The following TAOK3 variants were observed in gnomAD, a reference collection of about 807,000 sequenced individuals.
The protein encoded by TAOK3 is serine/threonine-protein kinase TAO3.
In TAOK3, 40 loss-of-function variants were observed where a neutral mutation model predicts 120.4. The observed-to-expected ratio is 0.33, with a 90% CI of 0.26 to 0.43. The LOEUF is 0.43. TAOK3 is among the 20% of genes least tolerant of loss of function. The probability of loss-of-function intolerance (pLI) is 1.00; values close to 1 mark genes in which losing one functional copy is unlikely to be tolerated. For synonymous variants in TAOK3, 355 were observed against 387.5 expected, an observed-to-expected ratio of 0.92 and a Z score of 0.99; for missense variants, 821 against 1,112.1, an observed-to-expected ratio of 0.74 and a Z score of 3.72.
At chr12:118,173,765 TAC>T (rs2036150727) in intron 16 of TAOK3, among the ~76,000 whole-genome samples, 1 of 152,204 alleles carries the variant, frequency 6.6e-6, no homozygotes, top group Non-Finnish European at 1.5e-5. Flanking sequence ...AGAAGAAGAC[TAC>T]TTGTTAAGAA....
intron 1 of TAOK3, among the ~76,000 whole-genome samples, chr12:118,288,860 G>A (rs1352590926): frequency 7.0e-6 from 1 of 143,798 alleles, no homozygotes; most frequent in Non-Finnish European, 1.5e-5. Context: ...AGGTTGCAGT[G>A]AGCCGAGATT....
At chr12:118,215,502 ACT>A (rs1379754251) in intron 9 of TAOK3, among the ~76,000 whole-genome samples, 2 of 151,748 alleles carry the variant, frequency 1.3e-5, no homozygotes, top group Non-Finnish European at 2.9e-5. Context: ...ACAGAGTGAG[ACT>A]CTGTCTCAAA....
At position 118,182,599 on chromosome 12, in the gene TAOK3, GTATATATATATA is replaced by G. The variant is rs1212615187; in HGVS notation, c.1330-1004_1330-993del. 1.2e-4 allele frequency among the ~76,000 whole-genome samples: 11 copies of G among 93,902 alleles called. No individual in the cohort carries two copies. The South Asian group carries it at 4.8e-3, about 41-fold the overall frequency. The allele number at this position is 93,902 out of a possible 152,430, so 61.6% of individuals were successfully genotyped here. Reference sequence around the variant, plus strand: ...TGTATATGTGTGTGTGTGTGTGTGTGTATATATATATATATATATATATATTTTTTTTTTTTT... The same window carrying G: ...TGTATATGTGTGTGTGTGTGTGTGTGTATATATATATATTTTTTTTTTTTT... On this transcript the variant is annotated intron_variant, in intron 14 of 20. Coordinates refer to ENST00000392533, the MANE Select transcript of TAOK3 (RefSeq NM_016281.4).
intron 1 of TAOK3, among the ~76,000 whole-genome samples, chr12:118,317,289 G>A (rs986801324): frequency 1.5e-5 from 2 of 136,268 alleles, no homozygotes; most frequent in Non-Finnish European, 3.2e-5. Flanking sequence ...AAAAAAAATC[G>A]CTGGGAGAAT....
intron 1 of TAOK3, among the ~76,000 whole-genome samples, chr12:118,340,269 C>G (rs1344814833): frequency 6.6e-6 from 1 of 152,156 alleles, no homozygotes; most frequent in Non-Finnish European, 1.5e-5. Flanking sequence ...CCCACCTTCC[C>G]TCCCAAGAGC....
intron 1 of TAOK3, among the ~76,000 whole-genome samples, chr12:118,294,859 G>A (rs2042617207): frequency 6.6e-6 from 1 of 152,072 alleles, no homozygotes; most frequent in Non-Finnish European, 1.5e-5. Context: ...AAGGCTTTTG[G>A]TCAGAGTGAC....
intron 3 of TAOK3, among the ~76,000 whole-genome samples, chr12:118,245,586 G>C (rs1295452302): frequency 6.6e-6 from 1 of 152,126 alleles, no homozygotes; most frequent in Non-Finnish European, 1.5e-5. Context: ...CCAAAGTGCT[G>C]GGATTACAGA....
In TAOK3 at chr12:118,237,968, T is replaced by A. The variant is rs1375897117; in HGVS notation, c.437+105A>T. The A allele has an allele frequency of 4.3e-6, 3 of 694,778 alleles. No homozygotes were observed. In the African/African-American group the frequency reaches 5.4e-5, roughly 12 times the overall value. The allele number at this position is 694,778 out of a possible 1,614,324, so 43.0% of individuals were successfully genotyped here. A position where few individuals can be genotyped will look rare whatever the true frequency, so the allele number is the denominator to read the frequency against. On this transcript the variant is annotated intron_variant, in intron 7 of 20. Coordinates refer to ENST00000392533, the MANE Select transcript of TAOK3 (RefSeq NM_016281.4). ...GAAGCAGCAATCTATTTGCTTCCCATGAATGCTTAGGCAACCTAAAAATTG... is the reference window on the plus strand; with the variant it reads ...GAAGCAGCAATCTATTTGCTTCCCAAGAATGCTTAGGCAACCTAAAAATTG...
chr12:118,159,359 G>A (rs1748236208), intron 19 of TAOK3, among the ~76,000 whole-genome samples: 1 of 150,080 alleles, frequency 6.7e-6, no homozygotes, highest in Non-Finnish European at 1.5e-5. Context: ...CACCCAGGCT[G>A]GAGTGCAGTG....
chr12:118,230,966 C>G (rs993277443), intron 9 of TAOK3, among the ~76,000 whole-genome samples: 1 of 151,940 alleles, frequency 6.6e-6, no homozygotes, highest in Non-Finnish European at 1.5e-5. Flanking sequence ...AATACAAGAC[C>G]AGTTAAATAA....
At chr12:118,275,941 T>C (rs563580340) in intron 1 of TAOK3, among the ~76,000 whole-genome samples, 1 of 152,170 alleles carries the variant, frequency 6.6e-6, no homozygotes, top group East Asian at 1.9e-4. Context: ...AATAGCAAGA[T>C]TGTTTTGTGT....
At chr12:118,367,617 T>C (rs1289377487) in intron 1 of TAOK3, among the ~76,000 whole-genome samples, 1 of 152,134 alleles carries the variant, frequency 6.6e-6, no homozygotes, top group African/African-American at 2.4e-5. Flanking sequence ...AAATGGGTGA[T>C]AAAGCTAAAT....
chr12:118,184,861 A>C (rs935769467), intron 14 of TAOK3, among the ~76,000 whole-genome samples: 1 of 152,208 alleles, frequency 6.6e-6, no homozygotes, highest in Non-Finnish European at 1.5e-5. Context: ...AACCTCTTAA[A>C]GTCTCTCAGT....
chr12:118,225,389 C>A (rs1478982887), intron 9 of TAOK3, among the ~76,000 whole-genome samples: 5 of 143,508 alleles, frequency 3.5e-5, no homozygotes, highest in African/African-American at 1.1e-4. Flanking sequence ...CTTTGTCTTG[C>A]ATGTAAAAAA....
rs553144447 is a variant in TAOK3 at position 118,323,004 on chromosome 12, G to A, written c.-194+49644C>T. Among the ~76,000 whole-genome samples, 14 of 152,020 alleles carry A rather than the reference G, an allele frequency of 9.2e-5. No homozygotes were observed. In the South Asian group the frequency reaches 1.2e-3, roughly 14 times the overall value. On this transcript the variant is annotated intron_variant, in intron 1 of 20. Coordinates refer to ENST00000392533, the MANE Select transcript of TAOK3 (RefSeq NM_016281.4). ...TGGGATTACAGGCATGAGTCACCCC[G>A]CCCGGACTTAAAACCCATTTTAAGC... is the stretch of plus-strand genomic sequence containing the variant.
chr12:118,278,710 C>T (rs1295801007), intron 1 of TAOK3, among the ~76,000 whole-genome samples: 2 of 152,298 alleles, frequency 1.3e-5, no homozygotes, highest in African/African-American at 2.4e-5. Context: ...GTTGAGAAAT[C>T]GCCAAACTGC....
intron 2 of TAOK3, among the ~76,000 whole-genome samples, chr12:118,262,212 G>A (rs778289607): frequency 2.0e-4 from 31 of 152,104 alleles, no homozygotes; most frequent in Non-Finnish European, 3.2e-4. Flanking sequence ...GGCCAGGCAC[G>A]GTGGCTCATG....
At chr12:118,195,138 T>TTC (rs373744903) in intron 13 of TAOK3, among the ~76,000 whole-genome samples, 30 of 152,036 alleles carry the variant, frequency 2.0e-4, no homozygotes, top group African/African-American at 7.0e-4. Flanking sequence ...GAAAAAAATG[T>TTC]TCTCTAAATA....
chr12:118,256,116 G>A (rs1038084210), intron 2 of TAOK3: 3 of 151,442 alleles, frequency 2.0e-5, no homozygotes, highest in Admixed American at 6.6e-5. Flanking sequence ...CATATGATTT[G>A]AATACACATT....
Sources: gnomAD v4.1 joint callset for allele counts (sites outside exome capture counted in the v4.1 genomes callset) on GRCh38, gnomAD v4.1.1 for gene constraint, MANE v1.5 for transcripts, NCBI Gene and HGNC (gene_info 2026-07-23, HGNC 2026-07-21) for gene names.